Variants in TLN2 observed in about 807,000 individuals in gnomAD.
TLN2 encodes the protein talin-2.
A neutral mutation model predicts 294.7 loss-of-function variants in TLN2; 118 were observed. That is an observed-to-expected ratio of 0.40 (90% confidence interval 0.34 to 0.47). The LOEUF (loss-of-function observed/expected upper bound fraction) is 0.47, where lower values mean the gene tolerates loss of function less well. Among genes scored for constraint, TLN2 ranks in the 20% least tolerant of loss-of-function variants. The pLI is 0.84. For missense variants in TLN2, 3,083 were observed against 3,282.2 expected, an observed-to-expected ratio of 0.94 and a Z score of 1.48; for synonymous variants, 1,431 against 1,304.5, an observed-to-expected ratio of 1.10 and a Z score of -2.09.
At chr15:62,724,827 C>G (rs2060349395) in intron 26 of TLN2, 149 bp from the exon 27 acceptor site, 9 of 1,023,196 alleles carry the variant, frequency 8.8e-6, no homozygotes, top group African/African-American at 1.6e-5. Context: ...ATTTTGTTCT[C>G]TCAGAAAAAA....
chr15:62,835,616 C>T, intron 55 of TLN2, 121 bp from the exon 56 acceptor site: 2 of 1,032,612 alleles, frequency 1.9e-6, no homozygotes, highest in Non-Finnish European at 1.5e-6. Flanking sequence ...CAGGCCTGTG[C>T]TGTTGGCAGG....
At chr15:62,800,241 G>A (rs1362704105) in intron 48 of TLN2, 127 bp from the exon 49 acceptor site, 1 of 1,430,348 alleles carries the variant, frequency 7.0e-7, no homozygotes, top group Non-Finnish European at 9.4e-7. Flanking sequence ...GGTCTGCCAT[G>A]CTGCAGACTT....
intron 1 of TLN2, among the ~76,000 whole-genome samples, chr15:62,560,592 C>T (rs1596129889): frequency 6.6e-6 from 1 of 152,234 alleles, no homozygotes; most frequent in South Asian, 2.1e-4. Flanking sequence ...TCCCAAAGTG[C>T]TGGGATTACA....
intron 28 of TLN2, among the ~76,000 whole-genome samples, chr15:62,730,231 G>A (rs12441467): frequency 0.59 from 89,237 of 151,586 alleles, 27,286 homozygotes; most frequent in Non-Finnish European, 0.68. Context: ...TAGTAGAGAC[G>A]GGGTTTCACC....
chr15:62,693,018 GA>G (rs112249460), intron 13 of TLN2, 77 bp downstream of exon 13: 182 of 1,257,556 alleles, frequency 1.4e-4, no homozygotes, highest in Admixed American at 2.5e-4. Flanking sequence ...TGGCTACCTT[GA>G]AAAAAAAATC....
intron 1 of TLN2, among the ~76,000 whole-genome samples, chr15:62,555,824 A>G (rs925632974): frequency 2.6e-5 from 4 of 152,126 alleles, no homozygotes; most frequent in African/African-American, 7.2e-5. Flanking sequence ...TTCTAGTGAT[A>G]ATAGAATATG....
chr15:62,393,235 A>T (rs2032246763), intron 1 of TLN2, among the ~76,000 whole-genome samples: 1 of 152,102 alleles, frequency 6.6e-6, no homozygotes, highest in Admixed American at 6.5e-5. Flanking sequence ...GATTCCAAAG[A>T]GTATTAGAGG....
chr15:62,835,478 A>T, intron 55 of TLN2: 1 of 555,738 alleles, frequency 1.8e-6, no homozygotes, highest in East Asian at 3.1e-5. Flanking sequence ...GAATTGCAGT[A>T]CCTGGAAGCT....
intron 22 of TLN2, among the ~76,000 whole-genome samples, chr15:62,714,579 A>G (rs1472046330): frequency 2.6e-5 from 4 of 152,064 alleles, no homozygotes; most frequent in Non-Finnish European, 5.9e-5. Flanking sequence ...CGTTTCTTCT[A>G]AGTATTCATG....
chr15:62,579,141 T>C (rs954400325), intron 1 of TLN2, among the ~76,000 whole-genome samples: 2 of 152,096 alleles, frequency 1.3e-5, no homozygotes, highest in African/African-American at 4.8e-5. Flanking sequence ...GAAGAGGAAG[T>C]ACAGTTTGTT....
intron 11 of TLN2, among the ~76,000 whole-genome samples, chr15:62,685,606 G>A (rs1299106828): frequency 3.9e-5 from 6 of 152,080 alleles, no homozygotes; most frequent in African/African-American, 1.2e-4. Context: ...CTAGTGACCC[G>A]CTTCACATCT....
chr15:62,837,114 A>G (rs1399631473), intron 57 of TLN2, among the ~76,000 whole-genome samples: 1 of 152,212 alleles, frequency 6.6e-6, no homozygotes, highest in Non-Finnish European at 1.5e-5. Context: ...TACATCAGTC[A>G]TGTAGCAAAT....
chr15:62,538,752 A>G (rs28638212), intron 1 of TLN2, among the ~76,000 whole-genome samples: 2 of 152,174 alleles, frequency 1.3e-5, no homozygotes, highest in Non-Finnish European at 2.9e-5. Context: ...GTATATATCC[A>G]CTTGATAGAC....
chr15:62,772,214 C>T (rs1158678719), intron 42 of TLN2, among the ~76,000 whole-genome samples: 1 of 152,156 alleles, frequency 6.6e-6, no homozygotes, highest in African/African-American at 2.4e-5. Flanking sequence ...CATTTAGCCT[C>T]CCAAGTACCT....
rs780496190 is a variant in TLN2, at chr15:62,796,156, C to T, written c.5913C>T (p.Ala1971=). Residue 1971 remains alanine, a synonymous_variant, in exon 47 of 59, where the codon GCC becomes GCT. Transcript: ENST00000636159. ...KVSLVLSALQ[A]GNKGTQACIT... ...CCTTGGTGCTCTCGGCTCTCCAGGCCGGGAACAAAGGAACCCAGGCATGCA... is the reference window on the plus strand; with the variant it reads ...CCTTGGTGCTCTCGGCTCTCCAGGCTGGGAACAAAGGAACCCAGGCATGCA... 5.2e-5 allele frequency: 84 copies of T among 1,614,106 alleles called. 1 individual carries two copies. Among genetic ancestry groups the T allele is most frequent in the South Asian group, 4.2e-4 (38 of 91,088 alleles).
At chr15:62,813,666 A>C (rs928941070) in intron 52 of TLN2, among the ~76,000 whole-genome samples, 3 of 152,200 alleles carry the variant, frequency 2.0e-5, no homozygotes, top group African/African-American at 7.2e-5. Context: ...AAGGCAGAAG[A>C]AAGGGAGATT....
chr15:62,456,873 G>C (rs1475195957), intron 1 of TLN2, among the ~76,000 whole-genome samples: 1 of 152,154 alleles, frequency 6.6e-6, no homozygotes, highest in Non-Finnish European at 1.5e-5. Flanking sequence ...GCAGAAAAGG[G>C]GGGCGGTTCA....
chr15:62,462,958 G>A (rs2036891274), intron 1 of TLN2, among the ~76,000 whole-genome samples: 1 of 152,198 alleles, frequency 6.6e-6, no homozygotes, highest in Non-Finnish European at 1.5e-5. Flanking sequence ...ACTAAGGACA[G>A]CGCCAAACTC....
chr15:62,602,110 A>G lies in TLN2; in HGVS notation c.-162+12348A>G, dbSNP rs374020974. Among the ~76,000 whole-genome samples, 34 of 152,286 alleles carry G rather than the reference A, an allele frequency of 2.2e-4. No homozygotes were observed. In the South Asian group the frequency reaches 6.4e-3, roughly 29 times the overall value. ...AACAAGGCATGTTTCTTGCTACTGT[A>G]TTTATCATTATTTCTGGATACTTAC... On this transcript the variant is annotated intron_variant, in intron 2 of 58. Transcript: ENST00000636159.
Sources: allele counts gnomAD v4.1 joint callset (sites outside exome capture counted in the v4.1 genomes callset), GRCh38; gene constraint gnomAD v4.1.1; transcripts MANE v1.5; gene names NCBI Gene and HGNC (gene_info 2026-07-23, HGNC 2026-07-21).